The following NHEJ1 variants were observed in gnomAD, a reference collection of about 807,000 sequenced individuals.
NHEJ1 encodes non-homologous end joining factor 1.
A neutral mutation model predicts 39.4 loss-of-function variants in NHEJ1; 22 were observed. The observed-to-expected ratio is 0.56, with a 90% CI of 0.40 to 0.80. The LOEUF is 0.80. Ranked by LOEUF, NHEJ1 falls within the 30% of genes least tolerant of loss-of-function variation. The pLI is 0.00. For synonymous variants in NHEJ1, 154 were observed against 135.6 expected (o/e 1.14, Z -0.94); for missense variants, 329 against 357.1 (o/e 0.92, Z 0.63).
intron 5 of NHEJ1, among the ~76,000 whole-genome samples, chr2:219,133,834 GA>G (rs1217617775): frequency 6.6e-6 from 1 of 152,138 alleles, no homozygotes; most frequent in Non-Finnish European, 1.5e-5. Context: ...ATCCCTTCAT[GA>G]CATCCACAAA....
intron 5 of NHEJ1, among the ~76,000 whole-genome samples, chr2:219,116,183 A>G (rs1414995435): frequency 6.6e-6 from 1 of 152,252 alleles, no homozygotes; most frequent in African/African-American, 2.4e-5. Context: ...TGCCCTCAAA[A>G]GAAGCCAGTC....
chr2:219,154,760 C>T (rs1949833863), intron 3 of NHEJ1, among the ~76,000 whole-genome samples: 1 of 151,634 alleles, frequency 6.6e-6, no homozygotes, highest in Admixed American at 6.6e-5. Context: ...AGACTCATCC[C>T]TTCCTAAACA....
intron 5 of NHEJ1, among the ~76,000 whole-genome samples, chr2:219,117,418 C>A (rs768443596): frequency 3.9e-5 from 6 of 152,176 alleles, no homozygotes; most frequent in Non-Finnish European, 7.3e-5. Context: ...CTGGACTCAC[C>A]TGGTCAGTAA....
chr2:219,111,136 A>T lies in NHEJ1; in HGVS notation c.589-32930T>A, dbSNP rs987279362. On this transcript the variant is annotated intron_variant, in intron 5 of 7. Transcript: ENST00000356853. This position sits in a 1 kb window ranked among gnomAD's most constrained non-coding sequence, Gnocchi z 4.1. ...TCCTTAACTAAGGACCAGAGGGGGG[A>T]AAATCATTTTAAAGATGATTTTAGA... 6.6e-6 allele frequency among the ~76,000 whole-genome samples: 1 copy of T among 152,096 alleles called. No homozygotes were observed. The highest frequency in any genetic ancestry group is 2.4e-5 in the African/African-American group (1 of 41,414).
intron 4 of NHEJ1, 46 bp from the exon 5 acceptor site, chr2:219,146,784 T>G: frequency 1.4e-6 from 2 of 1,438,794 alleles, no homozygotes; most frequent in South Asian, 2.3e-5. Context: ...TCATACAGGA[T>G]GAGTTTCTTA....
At position 219,073,885 on chromosome 2, in the gene NHEJ1, T is replaced by C. The variant is rs151093136; in HGVS notation, c.*2496A>G. Reference sequence around the variant, plus strand: ...AGAATTCGACCCTTTTATGTGCATGTAGAGTGGGGGTTGGGCCAGGCTGGG... The same window carrying C: ...AGAATTCGACCCTTTTATGTGCATGCAGAGTGGGGGTTGGGCCAGGCTGGG... On this transcript the variant is annotated 3_prime_UTR_variant, in exon 8 of 8. Transcript: ENST00000356853. 5.9e-5 allele frequency among the ~76,000 whole-genome samples: 9 copies of C among 152,226 alleles called. No individual in the cohort carries two copies. The East Asian group carries it at 1.5e-3, about 26-fold the overall frequency.
chr2:219,112,401 A>G lies in NHEJ1; in HGVS notation c.589-34195T>C, dbSNP rs144544587. On this transcript the variant is annotated intron_variant, in intron 5 of 7. Coordinates refer to ENST00000356853, the MANE Select transcript of NHEJ1 (RefSeq NM_024782.3). ...CTAGGACCAACCATAAATATCACGCATATATAAATCATCATTATAATTAAT... is the reference window on the plus strand; with the variant it reads ...CTAGGACCAACCATAAATATCACGCGTATATAAATCATCATTATAATTAAT... Among the ~76,000 whole-genome samples, 351 of 152,332 alleles carry G rather than the reference A, an allele frequency of 2.3e-3. 3 individuals carry two copies. The highest frequency in any genetic ancestry group is 0.011 in the East Asian group (58 of 5,188).
intron 7 of NHEJ1, 149 bp downstream of exon 7, chr2:219,077,097 C>G: frequency 1.4e-6 from 1 of 702,450 alleles, no homozygotes; most frequent in Non-Finnish European, 2.6e-6. Flanking sequence ...GACTCTCCAT[C>G]TAGACACCTA....
At chr2:219,137,593 C>CAAA (rs1290030506) in intron 5 of NHEJ1, among the ~76,000 whole-genome samples, 2 of 82,180 alleles carry the variant, frequency 2.4e-5, no homozygotes, top group South Asian at 9.2e-4. Flanking sequence ...AAAAAAAAAA[C>CAAA]AAAAAAAACT....
chr2:219,134,869 C>T (rs1949610753), intron 5 of NHEJ1, among the ~76,000 whole-genome samples: 1 of 151,784 alleles, frequency 6.6e-6, no homozygotes. Flanking sequence ...GAAACCCCGT[C>T]TCTACTAAAA....
chr2:219,115,280 A>G (rs1949402275), intron 5 of NHEJ1, among the ~76,000 whole-genome samples: 1 of 152,214 alleles, frequency 6.6e-6, no homozygotes, highest in African/African-American at 2.4e-5. Flanking sequence ...TCCAAATGTA[A>G]CCAGTTTTCA....
Position 219,072,547 on chromosome 2 carries a change from G to T in NHEJ1, c.*3834C>A, listed in dbSNP as rs1247091008. On this transcript the variant is annotated 3_prime_UTR_variant, in exon 8 of 8. Transcript: ENST00000356853. ...ATCCTGATTGTATCAAAACCTAGTT[G>T]ACATAAAATTATATTTGTTAATGGT... 2.0e-5 allele frequency among the ~76,000 whole-genome samples: 3 copies of T among 151,844 alleles called. No individual in the cohort carries two copies. Among genetic ancestry groups the T allele is most frequent in the Admixed American group, 2.0e-4 (3 of 15,242 alleles).
chr2:219,118,725 C>A (rs1229476382), intron 5 of NHEJ1, among the ~76,000 whole-genome samples: 6 of 152,154 alleles, frequency 3.9e-5, no homozygotes. Flanking sequence ...CTCCGCCCAG[C>A]CCTTAAACCC....
chr2:219,134,673 C>T (rs981536800), intron 5 of NHEJ1, among the ~76,000 whole-genome samples: 2 of 152,148 alleles, frequency 1.3e-5, no homozygotes, highest in Non-Finnish European at 2.9e-5. Flanking sequence ...CCCTTTTCTT[C>T]GACCTGAGCT....
At chr2:219,095,133 G>T (rs1949194097) in intron 5 of NHEJ1, 2 of 373,646 alleles carry the variant, frequency 5.4e-6, no homozygotes, top group Non-Finnish European at 1.1e-5. Flanking sequence ...CCTAGAAGGT[G>T]GGCAGTGGGT....
chr2:219,104,621 T>C (rs1332984624), intron 5 of NHEJ1, among the ~76,000 whole-genome samples: 1 of 152,026 alleles, frequency 6.6e-6, no homozygotes, highest in Non-Finnish European at 1.5e-5. Context: ...CAGAAGGTGG[T>C]AGAGAAAGAG....
At chr2:219,112,506 A>G (rs941270856) in intron 5 of NHEJ1, among the ~76,000 whole-genome samples, 2 of 152,216 alleles carry the variant, frequency 1.3e-5, no homozygotes, top group African/African-American at 4.8e-5. Flanking sequence ...GTCAAGGGCT[A>G]GAAAGGAGAG....
chr2:219,094,368 G>A (rs1016999192), intron 5 of NHEJ1, among the ~76,000 whole-genome samples: 3 of 152,234 alleles, frequency 2.0e-5, no homozygotes, highest in African/African-American at 7.2e-5. Context: ...TGGAAGCGGA[G>A]GTTGTGGCTG....
chr2:219,157,718 C>G (rs1949869093), intron 2 of NHEJ1, 34 bp from the exon 3 acceptor site: 2 of 1,563,406 alleles, frequency 1.3e-6, no homozygotes, highest in Admixed American at 1.8e-5. Context: ...AGTAAGGGTG[C>G]TAAAAGGAAA....
Sources: gnomAD v4.1 joint callset for allele counts (sites outside exome capture counted in the v4.1 genomes callset) on GRCh38, gnomAD v4.1.1 for gene constraint, Gnocchi (gnomAD v3.1) non-coding constraint, MANE v1.5 for transcripts, NCBI Gene and HGNC (gene_info 2026-07-23, HGNC 2026-07-21) for gene names.